The following DZIP3 variants were observed in gnomAD, a reference collection of about 807,000 sequenced individuals.
The protein encoded by DZIP3 is E3 ubiquitin-protein ligase DZIP3.
A neutral mutation model predicts 162.0 loss-of-function variants in DZIP3; 118 were observed. That is an observed-to-expected ratio of 0.73 (90% CI 0.63 to 0.85). The LOEUF is 0.85. Ranked by LOEUF, DZIP3 falls within the 40% of genes least tolerant of loss-of-function variation. DZIP3 has a pLI of 0.00. For missense variants in DZIP3, 1,331 were observed against 1,407.0 expected, an observed-to-expected ratio of 0.95 and a Z score of 0.86; for synonymous variants, 438 against 458.6, an observed-to-expected ratio of 0.96 and a Z score of 0.57.
chr3:108,688,562 G>GA (rs926590612), intron 29 of DZIP3, 31 bp from the exon 30 acceptor site: 76 of 1,601,728 alleles, frequency 4.7e-5, no homozygotes, highest in South Asian at 1.1e-4. Context: ...GGATAATTCT[G>GA]AAAAAATAAA....
chr3:108,633,143 T>G, intron 9 of DZIP3, 71 bp downstream of exon 9: 3 of 686,508 alleles, frequency 4.4e-6, no homozygotes, highest in Non-Finnish European at 5.8e-6. Flanking sequence ...TATAAAATAA[T>G]AAAAATTATA....
At chr3:108,658,046 C>CTT (rs535309227) in intron 19 of DZIP3, among the ~76,000 whole-genome samples, 22,823 of 151,912 alleles carry the variant, frequency 0.15, 2,036 homozygotes, top group Non-Finnish European at 0.22. Context: ...TCATGGGAGA[C>CTT]TTTAACACCC....
At chr3:108,598,276 C>G (rs115447710) in intron 1 of DZIP3, among the ~76,000 whole-genome samples, 1 of 152,020 alleles carries the variant, frequency 6.6e-6, no homozygotes, top group Admixed American at 6.6e-5. Context: ...TCTGCTCTTA[C>G]GGATTTATTA....
chr3:108,607,028 T>C (rs1415878061), intron 2 of DZIP3, among the ~76,000 whole-genome samples: 2 of 152,206 alleles, frequency 1.3e-5, no homozygotes, highest in African/African-American at 4.8e-5. Context: ...GCAGTATTTT[T>C]CATTCCTTGA....
At chr3:108,606,788 C>G (rs980053232) in intron 2 of DZIP3, among the ~76,000 whole-genome samples, 26 of 152,154 alleles carry the variant, frequency 1.7e-4, no homozygotes, top group African/African-American at 6.3e-4. Context: ...TGTAATGGAG[C>G]CTATAGAAAA....
chr3:108,671,781 G>C (rs1559775441), intron 22 of DZIP3, among the ~76,000 whole-genome samples: 2 of 151,910 alleles, frequency 1.3e-5, no homozygotes, highest in South Asian at 2.1e-4. Flanking sequence ...CAAACACAAA[G>C]TGCTTTATAT....
intron 32 of DZIP3, among the ~76,000 whole-genome samples, chr3:108,692,465 G>A (rs1944734570): frequency 6.6e-6 from 1 of 152,166 alleles, no homozygotes; most frequent in African/African-American, 2.4e-5. Context: ...AGATCCAGTT[G>A]AATAGTCTCA....
intron 26 of DZIP3, 144 bp from the exon 27 acceptor site, chr3:108,684,072 T>A (rs1292677847): frequency 1.2e-6 from 1 of 833,558 alleles, no homozygotes; most frequent in East Asian, 3.1e-5. Context: ...CTGACATACA[T>A]TGTTTCTAAT....
chr3:108,625,805 G>T, intron 6 of DZIP3, 40 bp from the exon 7 acceptor site: 4 of 1,489,356 alleles, frequency 2.7e-6, no homozygotes, highest in South Asian at 2.8e-5. Flanking sequence ...AAAAAAAAAT[G>T]ACTTTTACAG....
At chr3:108,640,876 A>G (rs1250788785) in intron 12 of DZIP3, among the ~76,000 whole-genome samples, 2 of 151,754 alleles carry the variant, frequency 1.3e-5, no homozygotes, top group Admixed American at 6.6e-5. Flanking sequence ...ACTTCAACCT[A>G]TGTATTTCTT....
Position 108,590,265 on chromosome 3 carries a change from A to G in DZIP3, c.-73+426A>G, listed in dbSNP as rs1422001783. ...TACTGGTTTTGGAGCTTTTTGCTTAATATTTCCTAACGTCGAATAAAGCTT... is the reference window on the plus strand; with the variant it reads ...TACTGGTTTTGGAGCTTTTTGCTTAGTATTTCCTAACGTCGAATAAAGCTT... On this transcript the variant is annotated intron_variant, in intron 1 of 32. Transcript: ENST00000361582. 3.3e-5 allele frequency among the ~76,000 whole-genome samples: 5 copies of G among 152,224 alleles called. No individual in the cohort carries two copies. The South Asian group carries it at 6.2e-4, about 19-fold the overall frequency.
intron 1 of DZIP3, 47 bp from the exon 2 acceptor site, chr3:108,605,284 GAGAA>G: frequency 7.9e-7 from 1 of 1,266,816 alleles, no homozygotes; most frequent in Non-Finnish European, 1.1e-6. Context: ...TCATAGTGGG[GAGAA>G]AGAGTGTAAC....
intron 19 of DZIP3, among the ~76,000 whole-genome samples, chr3:108,658,576 A>G: frequency 6.6e-6 from 1 of 152,194 alleles, no homozygotes; most frequent in Non-Finnish European, 1.5e-5. Context: ...TCACAATTAA[A>G]AGAACTAGAG....
At chr3:108,654,963 C>A (rs1176708726) in intron 19 of DZIP3, among the ~76,000 whole-genome samples, 1 of 152,132 alleles carries the variant, frequency 6.6e-6, no homozygotes, top group East Asian at 1.9e-4. Flanking sequence ...TCTAAGGGTA[C>A]AGTTAGTGCA....
Position 108,654,205 on chromosome 3 carries a change from CAGTAG to C in DZIP3, c.2096_2100del (p.Ser699ThrfsTer5). The C allele has an allele frequency of 6.2e-7, 1 of 1,613,734 alleles. No individual in the cohort carries two copies. The highest frequency in any genetic ancestry group is 8.5e-7 in the Non-Finnish European group (1 of 1,179,728). ...AAGAACAAGCAAATCCACACTCAGT[CAGTAG>C]ACTTATAAAAGATGATGCAAGTGAT... On this transcript the variant is annotated frameshift_variant, in exon 19 of 33. Coordinates refer to ENST00000361582, the MANE Select transcript of DZIP3 (RefSeq NM_014648.4). LOFTEE classifies it high-confidence loss of function.
At position 108,661,938 on chromosome 3, in the gene DZIP3, A is replaced by C. The variant is rs1378523820; in HGVS notation, c.2261A>C (p.Gln754Pro). The change falls in exon 20 of 33, where the codon CAA becomes CCA. Residue 754 changes from glutamine (Q) to proline (P), a missense_variant. Gln to Pro is a moderately conservative substitution (Grantham distance 76). Coordinates refer to ENST00000361582, the MANE Select transcript of DZIP3 (RefSeq NM_014648.4). Reference protein sequence around the residue: ...GETEKERLARQRQLYKLHYQC... With the variant: ...GETEKERLARPRQLYKLHYQC... The stretch of plus-strand genomic sequence containing the variant: ...ACTGAAAAGGAAAGGCTTGCTCGTC[A>C]AAGGCAGCTTTATAAATTGCACTAT... 18 of 1,614,056 alleles carry C rather than the reference A, an allele frequency of 1.1e-5. No homozygotes were observed. The highest frequency in any genetic ancestry group is 1.5e-5 in the Non-Finnish European group (18 of 1,179,946).
chr3:108,660,313 G>A (rs1027423242), intron 19 of DZIP3, among the ~76,000 whole-genome samples: 47 of 152,098 alleles, frequency 3.1e-4, no homozygotes, highest in African/African-American at 9.2e-4. Flanking sequence ...GGAACAGAAC[G>A]GAGCCCTCAG....
chr3:108,633,557 AATACTTCT>A (rs1941982738), intron 9 of DZIP3, among the ~76,000 whole-genome samples: 1 of 151,736 alleles, frequency 6.6e-6, no homozygotes, highest in East Asian at 1.9e-4. Flanking sequence ...TAGCTATCAG[AATACTTCT>A]GATAGATCTC....
Position 108,648,999 on chromosome 3 carries a change from A to C in DZIP3, c.2007+37A>C, listed in dbSNP as rs145861948. The C allele has an allele frequency of 3.4e-4, 367 of 1,064,012 alleles. 1 individual carries two copies. In the African/African-American group the frequency reaches 5.9e-3, roughly 17 times the overall value. 65.9% of individuals were successfully genotyped at this position (1,064,012 alleles called of 1,614,324 possible). ...TAATAGCATTATAATACTGATTATG[A>C]ACACTTGAGTTAAATACATGAATTC... On this transcript the variant is annotated intron_variant, in intron 17 of 32. Transcript: ENST00000361582.
Sources: allele counts gnomAD v4.1 joint callset (sites outside exome capture counted in the v4.1 genomes callset), GRCh38; gene constraint gnomAD v4.1.1; transcripts MANE v1.5; gene names NCBI Gene and HGNC (gene_info 2026-07-23, HGNC 2026-07-21).